The following FUBP3 variants were observed in gnomAD, a reference collection of about 807,000 sequenced individuals.
FUBP3 encodes the protein far upstream element binding protein 3.
FUBP3 carries 28 observed loss-of-function variants against 85.6 expected under a neutral mutation model. The observed-to-expected ratio is 0.33, with a 90% CI of 0.24 to 0.45. The LOEUF is 0.45. FUBP3 is among the 20% of genes least tolerant of loss of function. FUBP3 has a pLI of 1.00. For synonymous variants in FUBP3, 271 were observed against 271.4 expected, an observed-to-expected ratio of 1.00 and a Z score of 0.01; for missense variants, 583 against 755.1, an observed-to-expected ratio of 0.77 and a Z score of 2.67.
Position 130,579,666 on chromosome 9 carries a change from G to C in FUBP3, c.-15G>C. The C allele has an allele frequency of 8.0e-7, 1 of 1,244,406 alleles. No homozygotes were observed. The highest frequency in any genetic ancestry group is 1.0e-6 in the Non-Finnish European group (1 of 992,744). 77.1% of individuals were successfully genotyped at this position (1,244,406 alleles called of 1,614,324 possible). A position where few individuals can be genotyped will look rare whatever the true frequency, so the allele number is the denominator to read the frequency against. Reference sequence around the variant, plus strand: ...GGCGGCGTCGGCGGCGGCGGCGACGGCGGCGGGGGCGGTAATGGCGGAGCT... The same window carrying C: ...GGCGGCGTCGGCGGCGGCGGCGACGCCGGCGGGGGCGGTAATGGCGGAGCT... On this transcript the variant is annotated 5_prime_UTR_variant, in exon 1 of 19. Transcript: ENST00000319725.
chr9:130,626,537 T>C, intron 12 of FUBP3, 32 bp downstream of exon 12: 2 of 1,606,382 alleles, frequency 1.2e-6, no homozygotes, highest in Non-Finnish European at 1.7e-6. Context: ...ACATCCCCCC[T>C]CAGCTGTTTG....
At chr9:130,599,359 A>ATGTGTG (rs10532542) in intron 2 of FUBP3, among the ~76,000 whole-genome samples, 98 of 148,930 alleles carry the variant, frequency 6.6e-4, no homozygotes, top group East Asian at 1.6e-3. Flanking sequence ...ATATAAGTAT[A>ATGTGTG]TGTGTGTGTG....
chr9:130,607,795 G>A (rs150807932), intron 2 of FUBP3, among the ~76,000 whole-genome samples: 6 of 152,290 alleles, frequency 3.9e-5, no homozygotes, highest in Non-Finnish European at 5.9e-5. Flanking sequence ...ATGGAGGAGG[G>A]AGATGATTTA....
At chr9:130,588,999 C>T (rs73547974) in intron 1 of FUBP3, among the ~76,000 whole-genome samples, 24,147 of 152,092 alleles carry the variant, frequency 0.16, 2,183 homozygotes, top group African/African-American at 0.23. Context: ...TGGTGTGAGC[C>T]TTCACCTCTG....
At chr9:130,628,102 GCGCACACA>G in intron 12 of FUBP3, among the ~76,000 whole-genome samples, 1 of 87,334 alleles carries the variant, frequency 1.1e-5, no homozygotes. Flanking sequence ...ACGCACGCAC[GCGCACACA>G]CACACACACA....
At chr9:130,628,452 A>C (rs571961455) in intron 12 of FUBP3, among the ~76,000 whole-genome samples, 1 of 152,220 alleles carries the variant, frequency 6.6e-6, no homozygotes, top group East Asian at 1.9e-4. Flanking sequence ...GAATGAGTCT[A>C]TAGACAGCCA....
intron 2 of FUBP3, among the ~76,000 whole-genome samples, chr9:130,598,074 C>G (rs1010531370): frequency 6.6e-6 from 1 of 152,102 alleles, no homozygotes; most frequent in Non-Finnish European, 1.5e-5. Flanking sequence ...TAAATGAACC[C>G]GAGGTTTTAA....
intron 1 of FUBP3, among the ~76,000 whole-genome samples, chr9:130,580,156 G>T (rs1830073647): frequency 6.6e-6 from 1 of 152,230 alleles, no homozygotes; most frequent in Admixed American, 6.5e-5. Context: ...ACGCCCAGTA[G>T]CTTGTTAAAA....
At position 130,636,602 on chromosome 9, in the gene FUBP3, A is replaced by G. The variant is rs1190846393; in HGVS notation, c.1711-412A>G. Among the ~76,000 whole-genome samples, 9 of 152,332 alleles carry G rather than the reference A, an allele frequency of 5.9e-5. No individual in the cohort carries two copies. In the East Asian group the frequency reaches 1.7e-3, roughly 29 times the overall value. ...AGCTTTCCTCTCCTGTGCACAACCT[A>G]GAGGGTTCTGTTCAGAGGCCAAAAA... On this transcript the variant is annotated intron_variant, in intron 18 of 18. Transcript: ENST00000319725.
intron 1 of FUBP3, among the ~76,000 whole-genome samples, chr9:130,583,936 T>C (rs1018632329): frequency 1.3e-5 from 2 of 152,072 alleles, no homozygotes; most frequent in Non-Finnish European, 2.9e-5. Flanking sequence ...AGGGTCTCAC[T>C]ATGTTGCCCA....
rs1414116995 is a variant in FUBP3 at position 130,637,929 on chromosome 9, A to C, written c.*907A>C. ...AAGGTGTTGTTTGCTTTTTTCTTTT[A>C]AATATTTTCTTAATATTTTGTCAGA... On this transcript the variant is annotated 3_prime_UTR_variant, in exon 19 of 19. Coordinates refer to ENST00000319725, the MANE Select transcript of FUBP3 (RefSeq NM_003934.2). 6.6e-6 allele frequency: 1 copy of C among 152,526 alleles called. No individual in the cohort carries two copies. Among genetic ancestry groups the C allele is most frequent in the Non-Finnish European group, 1.5e-5 (1 of 68,032 alleles). 9.4% of individuals were successfully genotyped at this position (152,526 alleles called of 1,614,324 possible).
chr9:130,629,593 TAG>T (rs1257195696), intron 12 of FUBP3, among the ~76,000 whole-genome samples: 1 of 151,954 alleles, frequency 6.6e-6, no homozygotes. Flanking sequence ...TGGCAGTGGG[TAG>T]AGAGAAGCTT....
intron 3 of FUBP3, among the ~76,000 whole-genome samples, chr9:130,611,531 T>C (rs1831744578): frequency 6.6e-6 from 1 of 152,200 alleles, no homozygotes; most frequent in Non-Finnish European, 1.5e-5. Flanking sequence ...GCAAGTGCTA[T>C]TTATGCTATT....
At chr9:130,610,353 GA>G (rs749435799) in intron 3 of FUBP3, among the ~76,000 whole-genome samples, 30 of 152,178 alleles carry the variant, frequency 2.0e-4, no homozygotes, top group Non-Finnish European at 5.9e-5. Context: ...GAGACACCTC[GA>G]AGTGTGAGGG....
At chr9:130,619,791 C>T (rs1166710704) in intron 8 of FUBP3, among the ~76,000 whole-genome samples, 1 of 152,166 alleles carries the variant, frequency 6.6e-6, no homozygotes, top group Non-Finnish European at 1.5e-5. Context: ...GAAGTCTCAC[C>T]AGTAGGTTAT....
Position 130,617,727 on chromosome 9 carries a change from G to T in FUBP3, c.568-70G>T, listed in dbSNP as rs887840811. The T allele has an allele frequency of 1.2e-5, 12 of 987,014 alleles. No homozygotes were observed. The South Asian group carries it at 1.5e-4, about 13-fold the overall frequency. The allele number at this position is 987,014 out of a possible 1,614,324, so 61.1% of individuals were successfully genotyped here. On this transcript the variant is annotated intron_variant, in intron 7 of 18. Coordinates refer to ENST00000319725, the MANE Select transcript of FUBP3 (RefSeq NM_003934.2). Reference sequence around the variant, plus strand: ...GCTTATTGTGGGTGTGACTGGGTCCGATTTTGTGCTGCCCTGCATTTCATG... The same window carrying T: ...GCTTATTGTGGGTGTGACTGGGTCCTATTTTGTGCTGCCCTGCATTTCATG...
rs577651733 is a variant in FUBP3 at position 130,595,184 on chromosome 9, C to T, written c.85-299C>T. On this transcript the variant is annotated intron_variant, in intron 1 of 18. Coordinates refer to ENST00000319725, the MANE Select transcript of FUBP3 (RefSeq NM_003934.2). ...AAGGTTGCGGTGAGCCAAGATCATG[C>T]CATTGCACTCCAGCCTGGGCAACAA... Among the ~76,000 whole-genome samples, 169 of 147,450 alleles carry T rather than the reference C, an allele frequency of 1.1e-3. 3 individuals are homozygous for T. The South Asian group carries it at 0.032, about 28-fold the overall frequency.
At position 130,626,519 on chromosome 9, in the gene FUBP3, G is replaced by A. The variant is rs745331855; in HGVS notation, c.1117+14G>A. ...TCATAGGCAAAGGTAAGAGGCAGCT[G>A]GGGTTTCACATCCCCCCTCAGCTGT... On this transcript the variant is annotated intron_variant, in intron 12 of 18. Coordinates refer to ENST00000319725, the MANE Select transcript of FUBP3 (RefSeq NM_003934.2). The A allele has an allele frequency of 1.2e-6, 2 of 1,612,670 alleles. No homozygotes were observed. Among genetic ancestry groups the A allele is most frequent in the Non-Finnish European group, 1.7e-6 (2 of 1,178,870 alleles).
chr9:130,579,658 CGGCGACGGCGGCGGG>C lies in FUBP3; in HGVS notation c.-18_-4del, dbSNP rs1051186096. 26 of 1,200,362 alleles carry C rather than the reference CGGCGACGGCGGCGGG, an allele frequency of 2.2e-5. No individual in the cohort carries two copies. Among genetic ancestry groups the C allele is most frequent in the Admixed American group, 4.3e-5 (1 of 23,274 alleles). The allele number at this position is 1,200,362 out of a possible 1,614,324, so 74.4% of individuals were successfully genotyped here. Reference sequence around the variant, plus strand: ...GCGGCGTCGGCGGCGTCGGCGGCGGCGGCGACGGCGGCGGGGGCGGTAATGGCGGAGCTGGTGCAG... The same window carrying C: ...GCGGCGTCGGCGGCGTCGGCGGCGGCGGCGGTAATGGCGGAGCTGGTGCAG... On this transcript the variant is annotated 5_prime_UTR_variant, in exon 1 of 19. Transcript: ENST00000319725.
Sources: allele counts gnomAD v4.1 joint callset (sites outside exome capture counted in the v4.1 genomes callset), GRCh38; gene constraint gnomAD v4.1.1; transcripts MANE v1.5; gene names NCBI Gene and HGNC (gene_info 2026-07-23, HGNC 2026-07-21).